SLC25A48: variants seen among roughly 807,000 people sequenced by gnomAD.
SLC25A48 encodes the protein solute carrier family 25 member 48.
SLC25A48 carries 29 observed loss-of-function variants against 32.2 expected under a neutral mutation model. The observed-to-expected ratio is 0.90, with a 90% CI of 0.67 to 1.23. The LOEUF is 1.23. SLC25A48 is among the 50% of genes most tolerant of loss of function. The probability of loss-of-function intolerance (pLI) is 0.00; values close to 1 mark genes in which losing one functional copy is unlikely to be tolerated. For missense variants in SLC25A48, 399 were observed against 422.7 expected, an observed-to-expected ratio of 0.94 and a Z score of 0.49; for synonymous variants, 164 against 172.3, an observed-to-expected ratio of 0.95 and a Z score of 0.38.
intron 3 of SLC25A48, among the ~76,000 whole-genome samples, chr5:135,687,932 C>T (rs890392899): frequency 3.3e-5 from 4 of 119,416 alleles, no homozygotes; most frequent in Admixed American, 8.3e-5. Context: ...ACCATATTAA[C>T]CATTTTAAGT....
chr5:135,760,448 A>G (rs533288207), intron 3 of SLC25A48, among the ~76,000 whole-genome samples: 1 of 152,168 alleles, frequency 6.6e-6, no homozygotes. Context: ...GATTCCCCCA[A>G]ACTGATGCCA....
chr5:135,879,628 G>T (rs1689140234), intron 6 of SLC25A48, among the ~76,000 whole-genome samples: 2 of 152,014 alleles, frequency 1.3e-5, no homozygotes, highest in Admixed American at 1.3e-4. Flanking sequence ...GTGTGTGTGT[G>T]TGTGTGTGTG....
At chr5:135,856,049 G>A (rs558227999) in intron 4 of SLC25A48, among the ~76,000 whole-genome samples, 3 of 152,350 alleles carry the variant, frequency 2.0e-5, no homozygotes, top group African/African-American at 7.2e-5. Context: ...TTGCTGTGCA[G>A]AGCAGAGAGA....
At chr5:135,772,151 T>C (rs1756430264) in intron 3 of SLC25A48, among the ~76,000 whole-genome samples, 1 of 151,548 alleles carries the variant, frequency 6.6e-6, no homozygotes, top group Non-Finnish European at 1.5e-5. Context: ...ACAGGGTGTG[T>C]AAACTCGCTT....
intron 3 of SLC25A48, among the ~76,000 whole-genome samples, chr5:135,770,910 G>A (rs1358165748): frequency 2.0e-5 from 3 of 151,802 alleles, no homozygotes; most frequent in African/African-American, 7.3e-5. Flanking sequence ...TTAATATCCA[G>A]AGAAAAAGAG....
intron 3 of SLC25A48, among the ~76,000 whole-genome samples, chr5:135,660,437 T>C (rs1225441407): frequency 6.6e-6 from 1 of 152,214 alleles, no homozygotes; most frequent in African/African-American, 2.4e-5. Flanking sequence ...AAGTTGACTT[T>C]ATTCCTCACT....
At chr5:135,711,117 G>A (rs188745150) in intron 3 of SLC25A48, among the ~76,000 whole-genome samples, 37 of 152,352 alleles carry the variant, frequency 2.4e-4, no homozygotes, top group African/African-American at 8.9e-4. Flanking sequence ...GAGGAGAGCA[G>A]TGCAAGAGTT....
chr5:135,845,080 C>T (rs1759297864), intron 2 of SLC25A48, among the ~76,000 whole-genome samples: 1 of 152,220 alleles, frequency 6.6e-6, no homozygotes, highest in African/African-American at 2.4e-5. Context: ...AAATTTATTT[C>T]CTCGCAAGTC....
chr5:135,867,315 A>C (rs1056663615), intron 4 of SLC25A48, among the ~76,000 whole-genome samples: 1 of 152,326 alleles, frequency 6.6e-6, no homozygotes, highest in East Asian at 1.9e-4. Context: ...TTCCTTGGAC[A>C]AAGGACTTGC....
intron 3 of SLC25A48, among the ~76,000 whole-genome samples, chr5:135,765,466 C>T (rs943251863): frequency 2.0e-5 from 3 of 151,352 alleles, no homozygotes; most frequent in Admixed American, 2.0e-4. Context: ...GGCGTGTACA[C>T]CCCCTTGTGA....
At chr5:135,761,993 A>G (rs374789866) in intron 3 of SLC25A48, among the ~76,000 whole-genome samples, 18 of 152,324 alleles carry the variant, frequency 1.2e-4, no homozygotes, top group African/African-American at 4.3e-4. Flanking sequence ...TGAACCTGAT[A>G]TGAAACCCAT....
intron 3 of SLC25A48, among the ~76,000 whole-genome samples, chr5:135,746,844 T>G (rs773279461): frequency 7.2e-5 from 11 of 152,172 alleles, no homozygotes; most frequent in Non-Finnish European, 7.3e-5. Flanking sequence ...TTAATTCAGA[T>G]CAGTCCTTCC....
intron 3 of SLC25A48, among the ~76,000 whole-genome samples, chr5:135,681,252 G>A (rs751051461): frequency 4.6e-5 from 7 of 152,322 alleles, no homozygotes; most frequent in Non-Finnish European, 7.3e-5. Flanking sequence ...GGGATTGCAG[G>A]CGTGAGCCAC....
intron 3 of SLC25A48, among the ~76,000 whole-genome samples, chr5:135,734,796 G>A (rs35553615): frequency 0.29 from 40,955 of 141,180 alleles, 5,915 homozygotes; most frequent in Middle Eastern, 0.48. Context: ...CAGCCTGGGC[G>A]ACAGAGCAAG....
chr5:135,643,481 A>G (rs7736425), intron 3 of SLC25A48, among the ~76,000 whole-genome samples: 69,206 of 152,000 alleles, frequency 0.46, 16,065 homozygotes, highest in South Asian at 0.51. Flanking sequence ...CCATCACTGC[A>G]CAGAAGAGCA....
chr5:135,596,291 AACCATAGAGATGAAACTCC>A lies in SLC25A48; in HGVS notation c.-849+16699_-849+16717del, dbSNP rs1359365608. Among the ~76,000 whole-genome samples, 17 of 152,352 alleles carry A rather than the reference AACCATAGAGATGAAACTCC, an allele frequency of 1.1e-4. No homozygotes were observed. The South Asian group carries it at 3.5e-3, about 32-fold the overall frequency. On this transcript the variant is annotated intron_variant, in intron 1 of 10. Transcript: ENST00000646290. The stretch of plus-strand genomic sequence containing the variant: ...TGATAATTGTTTATACTCAATTGGT[AACCATAGAGATGAAACTCC>A]ACCAGATCAAAGTATGAAGGTAATT...
chr5:135,843,872 G>A (rs990745688), intron 2 of SLC25A48, among the ~76,000 whole-genome samples: 4 of 152,176 alleles, frequency 2.6e-5, no homozygotes, highest in African/African-American at 7.2e-5. Context: ...AGTGTGCTAG[G>A]GGCCTTGCTG....
intron 1 of SLC25A48, among the ~76,000 whole-genome samples, chr5:135,586,560 C>T (rs1015054751): frequency 3.3e-5 from 5 of 151,966 alleles, no homozygotes; most frequent in East Asian, 3.9e-4. Context: ...CTGCCATGGG[C>T]GGAATGTGGG....
intron 3 of SLC25A48, among the ~76,000 whole-genome samples, chr5:135,722,297 G>C (rs183164787): frequency 6.6e-6 from 1 of 152,094 alleles, no homozygotes; most frequent in East Asian, 1.9e-4. Context: ...TCTCTCTGAT[G>C]GTTCAACTAT....
Sources: gnomAD v4.1 joint callset for allele counts (sites outside exome capture counted in the v4.1 genomes callset) on GRCh38, gnomAD v4.1.1 for gene constraint, MANE v1.5 for transcripts, NCBI Gene and HGNC (gene_info 2026-07-23, HGNC 2026-07-21) for gene names.